The following ZDHHC14 variants were observed in gnomAD, a reference collection of about 807,000 sequenced individuals.
ZDHHC14 encodes the protein zDHHC palmitoyltransferase 14, also known as palmitoyltransferase ZDHHC14.
Under a neutral mutation model 47.7 loss-of-function variants are expected in ZDHHC14, and 16 were observed. The observed-to-expected ratio is 0.34, with a 90% CI of 0.23 to 0.51. The LOEUF (loss-of-function observed/expected upper bound fraction) is 0.51. Ranked by LOEUF, ZDHHC14 falls within the 20% of genes least tolerant of loss-of-function variation. The pLI is 0.97. For missense variants in ZDHHC14, 515 were observed against 662.5 expected (o/e 0.78, Z 2.44); for synonymous variants, 293 against 278.9 (o/e 1.05, Z -0.50).
At chr6:157,614,648 C>T (rs959629561) in intron 3 of ZDHHC14, among the ~76,000 whole-genome samples, 5 of 152,172 alleles carry the variant, frequency 3.3e-5, no homozygotes, top group African/African-American at 9.7e-5. Context: ...AAATCACATT[C>T]CCAGGCCGTA....
intron 1 of ZDHHC14, among the ~76,000 whole-genome samples, chr6:157,393,318 C>G (rs904381091): frequency 6.6e-5 from 10 of 152,182 alleles, no homozygotes; most frequent in Non-Finnish European, 1.2e-4. Flanking sequence ...TGGGGCCCAG[C>G]AAGGCAGCTG....
intron 5 of ZDHHC14, among the ~76,000 whole-genome samples, chr6:157,633,322 C>T (rs1776799440): frequency 6.6e-6 from 1 of 152,160 alleles, no homozygotes; most frequent in African/African-American, 2.4e-5. Flanking sequence ...TACAGTTTGC[C>T]ATTCGGATTA....
At chr6:157,593,201 G>A in intron 3 of ZDHHC14, 55 bp downstream of exon 3, 2 of 1,562,774 alleles carry the variant, frequency 1.3e-6, no homozygotes, top group Non-Finnish European at 1.7e-6. Context: ...GGGTGGGTTT[G>A]CGCCTCTCCA....
intron 1 of ZDHHC14, among the ~76,000 whole-genome samples, chr6:157,520,329 T>C (rs983565996): frequency 5.3e-5 from 8 of 152,238 alleles, no homozygotes; most frequent in East Asian, 1.9e-4. Flanking sequence ...CTAAGTTTCA[T>C]TGGATCATGT....
chr6:157,499,436 G>A (rs1314146046), intron 1 of ZDHHC14, among the ~76,000 whole-genome samples: 1 of 150,900 alleles, frequency 6.6e-6, no homozygotes, highest in Non-Finnish European at 1.5e-5. Flanking sequence ...CCATCATGGG[G>A]CCCCACACTT....
In ZDHHC14 at chr6:157,408,968, C is replaced by T. The variant is rs369800128; in HGVS notation, c.245+26702C>T. Among the ~76,000 whole-genome samples the T allele has an allele frequency of 5.3e-5, 8 of 152,118 alleles. No homozygotes were observed. The South Asian group carries it at 6.2e-4, about 12-fold the overall frequency. On this transcript the variant is annotated intron_variant, in intron 1 of 8. Coordinates refer to ENST00000359775, the MANE Select transcript of ZDHHC14 (RefSeq NM_024630.3). ...CCTCACATGGCAGCTGGATCTCTGGCGATTGCATCTGAGTTCCAGACACCA... is the reference window on the plus strand; with the variant it reads ...CCTCACATGGCAGCTGGATCTCTGGTGATTGCATCTGAGTTCCAGACACCA...
intron 1 of ZDHHC14, among the ~76,000 whole-genome samples, chr6:157,535,848 C>A (rs546279430): frequency 6.6e-6 from 1 of 152,166 alleles, no homozygotes; most frequent in African/African-American, 2.4e-5. Flanking sequence ...ATGCGCTCAT[C>A]TTTGCCTTGT....
chr6:157,485,778 AG>A (rs1779763218), intron 1 of ZDHHC14, among the ~76,000 whole-genome samples: 1 of 152,086 alleles, frequency 6.6e-6, no homozygotes, highest in African/African-American at 2.4e-5. Context: ...CGGGAGGCCA[AG>A]GCGGGTGGAT....
intron 1 of ZDHHC14, among the ~76,000 whole-genome samples, chr6:157,389,952 TTAAA>T (rs368734246): frequency 3.9e-5 from 6 of 152,286 alleles, no homozygotes; most frequent in Non-Finnish European, 7.4e-5. Context: ...TGTACATATA[TTAAA>T]TAGAGATAAT....
chr6:157,491,299 C>G (rs1360970056), intron 1 of ZDHHC14, among the ~76,000 whole-genome samples: 2 of 152,186 alleles, frequency 1.3e-5, no homozygotes, highest in Non-Finnish European at 2.9e-5. Flanking sequence ...TTCTGTGAGG[C>G]TTTGTCTTTT....
chr6:157,555,410 G>A (rs1026981002), intron 2 of ZDHHC14, among the ~76,000 whole-genome samples: 3 of 152,178 alleles, frequency 2.0e-5, no homozygotes, highest in African/African-American at 7.2e-5. Context: ...TGACTACAAA[G>A]AGAATTCCCC....
intron 5 of ZDHHC14, among the ~76,000 whole-genome samples, chr6:157,645,171 C>T (rs1220282194): frequency 6.6e-6 from 1 of 152,082 alleles, no homozygotes; most frequent in Non-Finnish European, 1.5e-5. Context: ...CTTATTTTTC[C>T]TTCTTCCCCT....
chr6:157,668,730 G>A (rs899893129), intron 8 of ZDHHC14, among the ~76,000 whole-genome samples: 6 of 151,970 alleles, frequency 3.9e-5, no homozygotes, highest in Admixed American at 1.3e-4. Context: ...AAAATTAAAT[G>A]GCTTAGGCTA....
intron 3 of ZDHHC14, among the ~76,000 whole-genome samples, chr6:157,600,272 A>T (rs919026756): frequency 6.6e-6 from 1 of 152,238 alleles, no homozygotes; most frequent in Admixed American, 6.5e-5. Flanking sequence ...TACCAGTATA[A>T]TAAAGAATTA....
chr6:157,475,258 C>T (rs928176891), intron 1 of ZDHHC14, among the ~76,000 whole-genome samples: 1 of 152,098 alleles, frequency 6.6e-6, no homozygotes, highest in African/African-American at 2.4e-5. Flanking sequence ...CAGTACCATA[C>T]TGTTTTGATT....
chr6:157,591,421 A>C (rs1227274166), intron 2 of ZDHHC14, among the ~76,000 whole-genome samples: 1 of 152,110 alleles, frequency 6.6e-6, no homozygotes, highest in African/African-American at 2.4e-5. Flanking sequence ...TGATCTCCCG[A>C]GATCTGATTC....
rs530572690 is a variant in ZDHHC14 at position 157,576,162 on chromosome 6, G to A, written c.407-16826G>A. Among the ~76,000 whole-genome samples, 6 of 152,326 alleles carry A rather than the reference G, an allele frequency of 3.9e-5. No homozygotes were observed. The South Asian group carries it at 1.2e-3, about 32-fold the overall frequency. ...TCCATCCTTGAAGAAAAATGTTTAA[G>A]ACAAACGGACATACTAAGGATTTTA... On this transcript the variant is annotated intron_variant, in intron 2 of 8. Coordinates refer to ENST00000359775, the MANE Select transcript of ZDHHC14 (RefSeq NM_024630.3).
chr6:157,607,971 C>T (rs1466625613), intron 3 of ZDHHC14, among the ~76,000 whole-genome samples: 4 of 152,232 alleles, frequency 2.6e-5, no homozygotes, highest in Non-Finnish European at 5.9e-5. Context: ...AGTTAAATTC[C>T]TAACAATGCG....
At chr6:157,527,256 T>G (rs1471412045) in intron 1 of ZDHHC14, among the ~76,000 whole-genome samples, 1 of 152,146 alleles carries the variant, frequency 6.6e-6, no homozygotes, top group East Asian at 1.9e-4. Context: ...CCTACCAGAC[T>G]TGGGCACCTC....
Sources: gnomAD v4.1 joint callset for allele counts (sites outside exome capture counted in the v4.1 genomes callset) on GRCh38, gnomAD v4.1.1 for gene constraint, MANE v1.5 for transcripts, NCBI Gene and HGNC (gene_info 2026-07-23, HGNC 2026-07-21) for gene names.